Variants in UPF2 observed in about 807,000 individuals in gnomAD.
UPF2 encodes the protein UPF2 regulator of nonsense mediated mRNA decay.
In UPF2, 17 loss-of-function variants were observed where a neutral mutation model predicts 141.4. That is an observed-to-expected ratio of 0.12 (90% CI 0.08 to 0.18). The LOEUF is 0.18. Among genes scored for constraint, UPF2 ranks in the 10% least tolerant of loss-of-function variants. UPF2 has a pLI of 1.00. For missense variants in UPF2, 1,152 were observed against 1,515.9 expected, an observed-to-expected ratio of 0.76 and a Z score of 3.99; for synonymous variants, 540 against 498.0, an observed-to-expected ratio of 1.08 and a Z score of -1.12.
At chr10:11,952,378 T>C (rs1041991274) in intron 14 of UPF2, 129 bp from the exon 15 acceptor site, 1 of 763,280 alleles carries the variant, frequency 1.3e-6, no homozygotes, top group African/African-American at 1.8e-5. Flanking sequence ...ACACTTACCA[T>C]TTCTATTAAT....
intron 12 of UPF2, among the ~76,000 whole-genome samples, chr10:11,957,245 A>G (rs1367736505): frequency 6.6e-6 from 1 of 151,964 alleles, no homozygotes; most frequent in Non-Finnish European, 1.5e-5. Context: ...CCTGGCCAAC[A>G]TGGCAAAACC....
rs1417242132 is a variant in UPF2, at chr10:11,936,933, G to C, written c.3379-221C>G. ...TAACACCTCTGCCTATGACATGGAA[G>C]GAAATGCAGGACTTGGCTGCTGTTG... On this transcript the variant is annotated intron_variant, in intron 18 of 21. Transcript: ENST00000357604. This position sits in a 1 kb window ranked among gnomAD's most constrained non-coding sequence, Gnocchi z 6.6. Among the ~76,000 whole-genome samples the C allele has an allele frequency of 6.6e-6, 1 of 152,220 alleles. No homozygotes were observed. Among genetic ancestry groups the C allele is most frequent in the African/African-American group, 2.4e-5 (1 of 41,448 alleles).
At chr10:12,004,765 G>T in intron 4 of UPF2, 38 bp from the exon 5 acceptor site, 1 of 1,587,032 alleles carries the variant, frequency 6.3e-7, no homozygotes, top group Non-Finnish European at 8.6e-7. Context: ...AACATAACTT[G>T]AGGTTATAGC....
intron 18 of UPF2, among the ~76,000 whole-genome samples, chr10:11,938,861 T>TTTTG (rs1564337818): frequency 9.6e-5 from 7 of 73,000 alleles, no homozygotes; most frequent in Admixed American, 1.9e-4. Flanking sequence ...TTGTTTTTTT[T>TTTTG]TTTTTTTTTT....
rs1832785281 is a variant in UPF2 at position 11,931,842 on chromosome 10, C to T, written c.3547-60G>A. 3 of 1,542,126 alleles carry T rather than the reference C, an allele frequency of 1.9e-6. No individual in the cohort carries two copies. Among genetic ancestry groups the T allele is most frequent in the Non-Finnish European group, 2.6e-6 (3 of 1,146,962 alleles). ...TGAGAACACTGAGAGAAAGAAAAAA[C>T]AGACTTCAAATAAAATAGCAAGTAC... is the stretch of plus-strand genomic sequence containing the variant. On this transcript the variant is annotated intron_variant, in intron 19 of 21. Transcript: ENST00000357604. The surrounding 1 kb of genome is among the most constrained non-coding windows in gnomAD (Gnocchi z 5.9).
At chr10:11,945,459 G>C (rs890894885) in intron 16 of UPF2, among the ~76,000 whole-genome samples, 1 of 151,928 alleles carries the variant, frequency 6.6e-6, no homozygotes, top group Admixed American at 6.6e-5. Flanking sequence ...CTGGTCTTGG[G>C]GTGAAAGGAG....
rs1290272225 is a variant in UPF2, at chr10:11,956,670, A to C, written c.2371-147T>G. The C allele has an allele frequency of 1.4e-6, 1 of 699,528 alleles. No homozygotes were observed. Among genetic ancestry groups the C allele is most frequent in the African/African-American group, 1.8e-5 (1 of 55,062 alleles). The allele number at this position is 699,528 out of a possible 1,614,324, so 43.3% of individuals were successfully genotyped here. On this transcript the variant is annotated intron_variant, in intron 12 of 21. Transcript: ENST00000357604. The surrounding 1 kb of genome is among the most constrained non-coding windows in gnomAD (Gnocchi z 4.2). The stretch of plus-strand genomic sequence containing the variant: ...CTCTATCGGCCTCTTCAGAAATAGA[A>C]AAACTGAGACTTTCTAATTACAATA...
intron 4 of UPF2, among the ~76,000 whole-genome samples, chr10:12,013,423 C>T (rs1834165957): frequency 2.0e-5 from 3 of 151,618 alleles, no homozygotes; most frequent in Admixed American, 1.3e-4. Flanking sequence ...ACTACAGGCA[C>T]GTGCCACCAC....
At chr10:11,991,752 C>T (rs1050950305) in intron 8 of UPF2, among the ~76,000 whole-genome samples, 2 of 152,168 alleles carry the variant, frequency 1.3e-5, no homozygotes, top group African/African-American at 4.8e-5. Flanking sequence ...TCCACTATAA[C>T]CAGTCAAGCA....
chr10:12,012,773 T>G (rs1334532682), intron 4 of UPF2, among the ~76,000 whole-genome samples: 2 of 141,404 alleles, frequency 1.4e-5, no homozygotes, highest in African/African-American at 2.7e-5. Context: ...CATTCCAGCC[T>G]GGGCAACAGA....
chr10:11,985,907 C>T (rs1471099580), intron 8 of UPF2, among the ~76,000 whole-genome samples: 1 of 20,128 alleles, frequency 5.0e-5, no homozygotes, highest in African/African-American at 6.4e-4. Context: ...TTTTGTGAGA[C>T]GGAATCTCGC....
chr10:11,970,963 C>T (rs1379694339), intron 9 of UPF2, among the ~76,000 whole-genome samples: 3 of 151,966 alleles, frequency 2.0e-5, no homozygotes, highest in Non-Finnish European at 4.4e-5. Context: ...TATGGAGTAT[C>T]ACACCATTTT....
rs905367350 is a variant in UPF2 at position 11,931,413 on chromosome 10, C to T, written c.3688+228G>A. On this transcript the variant is annotated intron_variant, in intron 20 of 21. Coordinates refer to ENST00000357604, the MANE Select transcript of UPF2 (RefSeq NM_015542.4). The surrounding 1 kb of genome is among the most constrained non-coding windows in gnomAD (Gnocchi z 5.9). The stretch of plus-strand genomic sequence containing the variant: ...CAATTAAAAATTGATTATCACCTTG[C>T]TTGCAAACGTAGCTTAGCAGTTTAT... 6.6e-6 allele frequency among the ~76,000 whole-genome samples: 1 copy of T among 152,148 alleles called. No homozygotes were observed. Among genetic ancestry groups the T allele is most frequent in the Non-Finnish European group, 1.5e-5 (1 of 68,032 alleles).
chr10:11,981,137 T>A (rs995616425), intron 8 of UPF2, among the ~76,000 whole-genome samples: 8 of 152,090 alleles, frequency 5.3e-5, no homozygotes, highest in African/African-American at 1.7e-4. Flanking sequence ...CACTCCAGTC[T>A]GGGCCACAGA....
intron 2 of UPF2, among the ~76,000 whole-genome samples, chr10:12,034,412 T>C (rs1256543579): frequency 1.3e-5 from 2 of 151,730 alleles, no homozygotes; most frequent in East Asian, 3.9e-4. Flanking sequence ...AACCTCCACC[T>C]GCTAGGTTCA....
intron 4 of UPF2, among the ~76,000 whole-genome samples, chr10:12,008,584 C>A (rs113461843): frequency 1.5e-5 from 2 of 137,778 alleles, no homozygotes; most frequent in East Asian, 2.1e-4. Context: ...GAGCTTAGAT[C>A]GCACCACTGT....
chr10:11,950,146 G>T (rs1222815541), intron 15 of UPF2, among the ~76,000 whole-genome samples: 2 of 151,934 alleles, frequency 1.3e-5, no homozygotes, highest in Non-Finnish European at 2.9e-5. Context: ...TGCTTTCTTG[G>T]TTTTTTAAAA....
intron 2 of UPF2, among the ~76,000 whole-genome samples, chr10:12,031,029 C>T (rs1032101946): frequency 7.9e-5 from 12 of 151,866 alleles, no homozygotes; most frequent in African/African-American, 2.9e-4. Context: ...AAAAAATTAG[C>T]CGGGCGCAGT....
chr10:11,997,765 GA>G lies in UPF2; in HGVS notation c.1759-9del, dbSNP rs761213872. The G allele has an allele frequency of 1.9e-6, 3 of 1,613,322 alleles. No individual in the cohort carries two copies. The highest frequency in any genetic ancestry group is 2.2e-5 in the South Asian group (2 of 91,056). On this transcript the variant is annotated splice_polypyrimidine_tract_variant and intron_variant, in intron 7 of 21. Transcript: ENST00000357604. ...GCAAAAATCCATTGCTGCCTATTGG[GA>G]AAAAGTAAACTTTTTCTTTAAAAAC... is the stretch of plus-strand genomic sequence containing the variant.
Sources: gnomAD v4.1 joint callset for allele counts (sites outside exome capture counted in the v4.1 genomes callset) on GRCh38, gnomAD v4.1.1 for gene constraint, Gnocchi (gnomAD v3.1) non-coding constraint, MANE v1.5 for transcripts, NCBI Gene and HGNC (gene_info 2026-07-23, HGNC 2026-07-21) for gene names.